LRP1B: variants seen among roughly 807,000 people sequenced by gnomAD.
The protein encoded by LRP1B is low-density lipoprotein receptor-related protein 1B.
Under a neutral mutation model 556.6 loss-of-function variants are expected in LRP1B, and 217 were observed. The observed-to-expected ratio is 0.39, with a 90% CI of 0.35 to 0.44. The LOEUF (loss-of-function observed/expected upper bound fraction) is 0.44, where lower values mean the gene tolerates loss of function less well. Ranked by LOEUF, LRP1B falls within the 20% of genes least tolerant of loss-of-function variation. LRP1B has a pLI of 1.00. For synonymous variants in LRP1B, 2,047 were observed against 1,865.8 expected, an observed-to-expected ratio of 1.10 and a Z score of -2.50; for missense variants, 5,053 against 5,620.8, an observed-to-expected ratio of 0.90 and a Z score of 3.23.
At chr2:141,902,955 C>T (rs568225766) in intron 1 of LRP1B, among the ~76,000 whole-genome samples, 1 of 151,956 alleles carries the variant, frequency 6.6e-6, no homozygotes, top group Admixed American at 6.6e-5. Flanking sequence ...TAACTTTTAG[C>T]CAGTTTTCTT....
At chr2:141,238,867 A>G (rs1683755102) in intron 5 of LRP1B, among the ~76,000 whole-genome samples, 1 of 152,162 alleles carries the variant, frequency 6.6e-6, no homozygotes, top group African/African-American at 2.4e-5. Context: ...TTATTAAGAT[A>G]GAAAATCAAA....
At chr2:140,888,352 A>G (rs1693701346) in intron 23 of LRP1B, among the ~76,000 whole-genome samples, 3 of 152,120 alleles carry the variant, frequency 2.0e-5, no homozygotes, top group Non-Finnish European at 4.4e-5. Context: ...AAAATGAATT[A>G]ACTCAAATTT....
intron 3 of LRP1B, among the ~76,000 whole-genome samples, chr2:141,372,225 G>C (rs1236471521): frequency 6.6e-6 from 1 of 152,020 alleles, no homozygotes; most frequent in Non-Finnish European, 1.5e-5. Flanking sequence ...GCATCTCTAA[G>C]ATAAATCCCA....
intron 32 of LRP1B, among the ~76,000 whole-genome samples, chr2:140,781,317 A>G (rs1198406103): frequency 6.6e-6 from 1 of 152,174 alleles, no homozygotes; most frequent in Non-Finnish European, 1.5e-5. Context: ...CTTATCTTTC[A>G]TCATGCATAA....
At chr2:140,250,870 CA>C (rs1260609902) in intron 86 of LRP1B, among the ~76,000 whole-genome samples, 44 of 151,806 alleles carry the variant, frequency 2.9e-4, no homozygotes, top group African/African-American at 1.0e-3. Flanking sequence ...AAATATCATT[CA>C]ATGTCTTATT....
In LRP1B at chr2:141,822,130, C is replaced by CACAGAGAGAGAG. The variant is rs374369026; in HGVS notation, c.83-11730_83-11729insCTCTCTCTCTGT. Among the ~76,000 whole-genome samples the CACAGAGAGAGAG allele has an allele frequency of 3.7e-3, 355 of 95,854 alleles. 4 individuals carry two copies. The highest frequency in any genetic ancestry group is 0.014 in the African/African-American group (319 of 22,392). The allele number at this position is 95,854 out of a possible 152,430, so 62.9% of individuals were successfully genotyped here. On this transcript the variant is annotated intron_variant, in intron 1 of 90. Coordinates refer to ENST00000389484, the MANE Select transcript of LRP1B (RefSeq NM_018557.3). ...ACACACACACACACACACACACACACAGAGAGAGAGAGAGAGAGAGAGAGA... is the reference window on the plus strand; with the variant it reads ...ACACACACACACACACACACACACACACAGAGAGAGAGAGAGAGAGAGAGAGAGAGAGAGAGA...
At chr2:142,022,669 T>A (rs972101714) in intron 1 of LRP1B, among the ~76,000 whole-genome samples, 12 of 152,092 alleles carry the variant, frequency 7.9e-5, no homozygotes, top group African/African-American at 2.9e-4. Flanking sequence ...TATTTTATTT[T>A]ATTTATTTAT....
intron 1 of LRP1B, among the ~76,000 whole-genome samples, chr2:141,812,720 C>T (rs528850463): frequency 1.8e-4 from 27 of 152,168 alleles, no homozygotes; most frequent in Admixed American, 1.5e-3. Flanking sequence ...ATAAAACATG[C>T]TACAAAGCCA....
At chr2:141,256,167 A>G (rs931068218) in intron 3 of LRP1B, among the ~76,000 whole-genome samples, 1 of 152,062 alleles carries the variant, frequency 6.6e-6, no homozygotes, top group African/African-American at 2.4e-5. Context: ...AATATGCAGG[A>G]AGATATCTGA....
At chr2:140,482,351 A>G (rs1688280546) in intron 59 of LRP1B, among the ~76,000 whole-genome samples, 1 of 152,180 alleles carries the variant, frequency 6.6e-6, no homozygotes, top group South Asian at 2.1e-4. Flanking sequence ...TGTTATGATT[A>G]ACTAAAGTGA....
Position 140,287,079 on chromosome 2 carries a change from T to C in LRP1B, c.12967+10729A>G, listed in dbSNP as rs141517589. ...TAAAAAAGAATATTTTAATTCTGCA[T>C]CTTCACCTCTAAAACCTAGCATTTC... is the stretch of plus-strand genomic sequence containing the variant. On this transcript the variant is annotated intron_variant, in intron 84 of 90. Transcript: ENST00000389484. Among the ~76,000 whole-genome samples, 232 of 151,982 alleles carry C rather than the reference T, an allele frequency of 1.5e-3. 1 individual carries two copies. Among genetic ancestry groups the C allele is most frequent in the Non-Finnish European group, 2.5e-3 (171 of 67,884 alleles).
At chr2:140,808,993 TC>T (rs1423483293) in intron 32 of LRP1B, among the ~76,000 whole-genome samples, 2 of 152,004 alleles carry the variant, frequency 1.3e-5, no homozygotes, top group African/African-American at 4.8e-5. Context: ...TCTACTAAAG[TC>T]CCCTCTAGTG....
intron 43 of LRP1B, among the ~76,000 whole-genome samples, chr2:140,558,911 G>A (rs780849448): frequency 6.6e-6 from 1 of 151,294 alleles, no homozygotes; most frequent in Non-Finnish European, 1.5e-5. Context: ...ACTCCAGCCT[G>A]GGCAACAGAG....
intron 3 of LRP1B, among the ~76,000 whole-genome samples, chr2:141,397,608 A>G (rs76206817): frequency 0.054 from 8,233 of 151,958 alleles, 267 homozygotes; most frequent in Middle Eastern, 0.13. Context: ...GCCAAGGCAC[A>G]CCTGGATTTT....
intron 51 of LRP1B, among the ~76,000 whole-genome samples, chr2:140,510,378 G>T (rs539469934): frequency 2.0e-5 from 3 of 152,114 alleles, no homozygotes; most frequent in Non-Finnish European, 4.4e-5. Flanking sequence ...ATTTCTAAAG[G>T]CCTGAACTAG....
intron 41 of LRP1B, among the ~76,000 whole-genome samples, chr2:140,640,592 T>C (rs1020226222): frequency 6.6e-6 from 1 of 150,788 alleles, no homozygotes; most frequent in Non-Finnish European, 1.5e-5. Context: ...AGACAGGGTT[T>C]CACCGTGGTC....
rs138072517 is a variant in LRP1B, at chr2:141,974,569, T to A, written c.82+156079A>T. 5.2e-3 allele frequency among the ~76,000 whole-genome samples: 794 copies of A among 152,156 alleles called. 7 individuals are homozygous for A. The highest frequency in any genetic ancestry group is 0.016 in the South Asian group (76 of 4,830). ...AACTAGTTTGGGGCCTGAGAATGAA[T>A]GTCAATACATTATTCAGGTAATATG... On this transcript the variant is annotated intron_variant, in intron 1 of 90. Transcript: ENST00000389484.
intron 66 of LRP1B, among the ~76,000 whole-genome samples, chr2:140,393,233 T>C (rs1170347200): frequency 6.6e-6 from 1 of 152,066 alleles, no homozygotes; most frequent in African/African-American, 2.4e-5. Flanking sequence ...AATGAATATG[T>C]GAAATAAAGC....
intron 1 of LRP1B, among the ~76,000 whole-genome samples, chr2:141,943,967 A>T (rs767224968): frequency 9.2e-5 from 14 of 152,134 alleles, no homozygotes; most frequent in Non-Finnish European, 1.8e-4. Context: ...CATCTCCCAG[A>T]TTGAATCCCA....
Sources: gnomAD v4.1 joint callset for allele counts (sites outside exome capture counted in the v4.1 genomes callset) on GRCh38, gnomAD v4.1.1 for gene constraint, MANE v1.5 for transcripts, NCBI Gene and HGNC (gene_info 2026-07-23, HGNC 2026-07-21) for gene names.